DDI2: variants seen among roughly 807,000 people sequenced by gnomAD.
DDI2 encodes the protein DDI proteasomal shuttling factor 2.
DDI2 carries 5 observed loss-of-function variants against 48.1 expected under a neutral mutation model. The observed-to-expected ratio is 0.10, with a 90% CI of 0.05 to 0.22. The LOEUF is 0.22. Among genes scored for constraint, DDI2 ranks in the 10% least tolerant of loss-of-function variants. The pLI is 1.00. For missense variants in DDI2, 285 were observed against 506.2 expected (o/e 0.56, Z 4.19); for synonymous variants, 205 against 183.6 (o/e 1.12, Z -0.94).
chr1:15,636,639 T>A (rs541778337), intron 4 of DDI2, among the ~76,000 whole-genome samples: 1 of 152,348 alleles, frequency 6.6e-6, no homozygotes, highest in South Asian at 2.1e-4. Flanking sequence ...GCCCAGCTAA[T>A]TATAGTGATA....
Position 15,661,721 on chromosome 1 carries a change from G to T in DDI2, c.*1931G>T. ...GCAAAAAACATCGTAGTTCCTACATGACTGTGGGAAAGTGGGCTAGACCGT... is the reference window on the plus strand; with the variant it reads ...GCAAAAAACATCGTAGTTCCTACATTACTGTGGGAAAGTGGGCTAGACCGT... On this transcript the variant is annotated 3_prime_UTR_variant, in exon 10 of 10. Transcript: ENST00000480945. 1 of 1,604,646 alleles carries T rather than the reference G, an allele frequency of 6.2e-7. No homozygotes were observed. Among genetic ancestry groups the T allele is most frequent in the South Asian group, 1.1e-5 (1 of 89,790 alleles).
chr1:15,637,958 C>A (rs1467221115), intron 4 of DDI2, among the ~76,000 whole-genome samples: 1 of 152,124 alleles, frequency 6.6e-6, no homozygotes, highest in African/African-American at 2.4e-5. Context: ...TATTCAGATA[C>A]CCAGTAAATC....
At chr1:15,622,563 CTTG>C (rs1359760231) in intron 1 of DDI2, among the ~76,000 whole-genome samples, 4 of 152,080 alleles carry the variant, frequency 2.6e-5, no homozygotes, top group African/African-American at 7.3e-5. Flanking sequence ...TATACATTTT[CTTG>C]TTGTATGTTC....
At chr1:15,653,543 A>G (rs1640226360) in intron 8 of DDI2, among the ~76,000 whole-genome samples, 1 of 152,114 alleles carries the variant, frequency 6.6e-6, no homozygotes, top group African/African-American at 2.4e-5. Context: ...ATTTTTATTT[A>G]CTTAATTAAA....
At chr1:15,655,261 C>T (rs1445970391) in intron 8 of DDI2, among the ~76,000 whole-genome samples, 1 of 152,152 alleles carries the variant, frequency 6.6e-6, no homozygotes, top group Admixed American at 6.5e-5. Context: ...TTATTTAGAA[C>T]ATCGACTTCC....
Position 15,633,557 on chromosome 1 carries a change from A to T in DDI2, c.624A>T (p.Glu208Asp). ...FDLEAQAKIE[E>D]DIRQQNIEEN... ...TTGAAGCTCAGGCAAAGATAGAAGA[A>T]GATATAAGGTAAAGACCTGTTCATC... Residue 208 changes from glutamate (E) to aspartate (D), a missense_variant, in exon 4 of 10, where the codon GAA becomes GAT. Coordinates refer to ENST00000480945, the MANE Select transcript of DDI2 (RefSeq NM_032341.5). 1 of 1,612,824 alleles carries T rather than the reference A, an allele frequency of 6.2e-7. No homozygotes were observed. Among genetic ancestry groups the T allele is most frequent in the Non-Finnish European group, 8.5e-7 (1 of 1,179,154 alleles).
rs1386622806 is a variant in DDI2, at chr1:15,660,955, T to C, written c.*1165T>C. On this transcript the variant is annotated 3_prime_UTR_variant, in exon 10 of 10. Coordinates refer to ENST00000480945, the MANE Select transcript of DDI2 (RefSeq NM_032341.5). The stretch of plus-strand genomic sequence containing the variant: ...AGCCTTGAAAGAACTTCATGAACTT[T>C]TGGTTGTTAGCAGTAAACCAGCTTC... 2.5e-6 allele frequency: 4 copies of C among 1,613,452 alleles called. No individual in the cohort carries two copies. The highest frequency in any genetic ancestry group is 3.3e-5 in the Admixed American group (2 of 59,848).
chr1:15,644,784 G>A (rs914810047), intron 6 of DDI2, among the ~76,000 whole-genome samples: 2 of 151,622 alleles, frequency 1.3e-5, no homozygotes, highest in African/African-American at 4.8e-5. Context: ...TAGTAGAGAC[G>A]GGGTTTCACC....
Position 15,660,528 on chromosome 1 carries a change from G to A in DDI2, c.*738G>A. 6.2e-7 allele frequency: 1 copy of A among 1,613,244 alleles called. No homozygotes were observed. The highest frequency in any genetic ancestry group is 8.5e-7 in the Non-Finnish European group (1 of 1,179,816). ...TGGAAGCTACGATGAAAGGAAATGG[G>A]CTCCCACAGAATGTGGATCCTCCAA... On this transcript the variant is annotated 3_prime_UTR_variant, in exon 10 of 10. Coordinates refer to ENST00000480945, the MANE Select transcript of DDI2 (RefSeq NM_032341.5).
At chr1:15,658,520 T>C (rs1213115979) in intron 9 of DDI2, among the ~76,000 whole-genome samples, 1 of 151,282 alleles carries the variant, frequency 6.6e-6, no homozygotes, top group African/African-American at 2.4e-5. Flanking sequence ...CCAAGCACTT[T>C]GGGAGGCTGA....
intron 5 of DDI2, among the ~76,000 whole-genome samples, chr1:15,640,197 A>G (rs190468119): frequency 1.2e-3 from 177 of 152,278 alleles, no homozygotes; most frequent in Non-Finnish European, 1.9e-3. Context: ...AGACAAATAC[A>G]TAGAAGACGC....
At chr1:15,621,224 A>G (rs1271291058) in intron 1 of DDI2, among the ~76,000 whole-genome samples, 1 of 152,176 alleles carries the variant, frequency 6.6e-6, no homozygotes, top group Admixed American at 6.5e-5. Context: ...CTTTAAATTA[A>G]TGTCTTCATA....
intron 6 of DDI2, among the ~76,000 whole-genome samples, chr1:15,645,581 G>A (rs1339447873): frequency 6.6e-6 from 1 of 152,180 alleles, no homozygotes; most frequent in African/African-American, 2.4e-5. Context: ...TGAAGAGTGG[G>A]CCACTGGCTG....
At chr1:15,621,873 T>G (rs1004383441) in intron 1 of DDI2, among the ~76,000 whole-genome samples, 1 of 152,242 alleles carries the variant, frequency 6.6e-6, no homozygotes, top group African/African-American at 2.4e-5. Flanking sequence ...TTCTTAGATA[T>G]GCAGTTGCCA....
At position 15,661,448 on chromosome 1, in the gene DDI2, G is replaced by A. The variant is rs982915004; in HGVS notation, c.*1658G>A. 7 of 1,613,896 alleles carry A rather than the reference G, an allele frequency of 4.3e-6. No homozygotes were observed. The Admixed American group carries it at 8.3e-5, about 19-fold the overall frequency. ...ATATTGGTTAAAGACTTAGGTCAGGGCATACAGAATTCAGTAACAGACAGG... is the reference window on the plus strand; with the variant it reads ...ATATTGGTTAAAGACTTAGGTCAGGACATACAGAATTCAGTAACAGACAGG... On this transcript the variant is annotated 3_prime_UTR_variant, in exon 10 of 10. Transcript: ENST00000480945.
chr1:15,664,632 G>A lies in DDI2; in HGVS notation c.*4842G>A, dbSNP rs147893452. On this transcript the variant is annotated 3_prime_UTR_variant, in exon 10 of 10. Transcript: ENST00000480945. ...ATACCATCAAATCCCTGTGAATTCT[G>A]GTTGCCAACAGTAATAACCAGTAAT... 105 of 152,196 alleles carry A rather than the reference G, an allele frequency of 6.9e-4. No homozygotes were observed. The highest frequency in any genetic ancestry group is 2.2e-3 in the African/African-American group (91 of 41,536). 9.4% of individuals were successfully genotyped at this position (152,196 alleles called of 1,614,324 possible).
chr1:15,630,703 T>C, intron 3 of DDI2, 142 bp downstream of exon 3: 2 of 653,476 alleles, frequency 3.1e-6, no homozygotes, highest in Non-Finnish European at 2.7e-6. Flanking sequence ...GGTAAATTAG[T>C]GCTAAAGTCA....
At chr1:15,656,466 T>G in intron 8 of DDI2, 151 bp from the exon 9 acceptor site, 1 of 1,531,454 alleles carries the variant, frequency 6.5e-7, no homozygotes, top group Non-Finnish European at 8.8e-7. Context: ...AACAAATATT[T>G]TGGATGTCCA....
chr1:15,637,326 C>A (rs769180063), intron 4 of DDI2, among the ~76,000 whole-genome samples: 1 of 152,090 alleles, frequency 6.6e-6, no homozygotes, highest in Non-Finnish European at 1.5e-5. Context: ...CTACTTTGGC[C>A]TTCCAAAGAA....
Sources: allele counts gnomAD v4.1 joint callset (sites outside exome capture counted in the v4.1 genomes callset), GRCh38; gene constraint gnomAD v4.1.1; transcripts MANE v1.5; gene names NCBI Gene and HGNC (gene_info 2026-07-23, HGNC 2026-07-21).